The following RAPGEF1 variants were observed in gnomAD, a reference collection of about 807,000 sequenced individuals.
RAPGEF1 encodes the protein Rap guanine nucleotide exchange factor 1.
In RAPGEF1, 33 loss-of-function variants were observed where a neutral mutation model predicts 143.3. The observed-to-expected ratio is 0.23, with a 90% confidence interval of 0.17 to 0.31. RAPGEF1 has a LOEUF of 0.31. RAPGEF1 is among the 10% of genes least tolerant of loss of function. The pLI is 1.00. For synonymous variants in RAPGEF1, 629 were observed against 676.5 expected, an observed-to-expected ratio of 0.93 and a Z score of 1.09; for missense variants, 1,199 against 1,645.4, an observed-to-expected ratio of 0.73 and a Z score of 4.69.
intron 1 of RAPGEF1, among the ~76,000 whole-genome samples, chr9:131,726,513 C>T (rs767502404): frequency 6.6e-5 from 10 of 152,034 alleles, no homozygotes; most frequent in Non-Finnish European, 1.2e-4. Context: ...ATAATCCCAG[C>T]TACTTGGGAG....
chr9:131,667,050 C>T lies in RAPGEF1; in HGVS notation c.62-16101G>A, dbSNP rs1830550811. Among the ~76,000 whole-genome samples the T allele has an allele frequency of 6.6e-6, 1 of 152,064 alleles. No individual in the cohort carries two copies. Among genetic ancestry groups the T allele is most frequent in the South Asian group, 2.1e-4 (1 of 4,834 alleles). On this transcript the variant is annotated intron_variant, in intron 1 of 26. Transcript: ENST00000683357. This position sits in a 1 kb window ranked among gnomAD's most constrained non-coding sequence, Gnocchi z 4.6. ...CTGTCACCCAGGCGGAGTGCAGTGG[C>T]ACGAACTCGGCTCACTGCCATCTCC... is the stretch of plus-strand genomic sequence containing the variant.
intron 1 of RAPGEF1, among the ~76,000 whole-genome samples, chr9:131,680,070 G>A (rs771618679): frequency 9.9e-5 from 15 of 152,192 alleles, no homozygotes; most frequent in Non-Finnish European, 1.8e-4. Flanking sequence ...ATAACTAAAC[G>A]CAACTAAAAC....
At position 131,638,529 on chromosome 9, in the gene RAPGEF1, G is replaced by T; in HGVS notation, c.651+106C>A. On this transcript the variant is annotated intron_variant, in intron 5 of 26. Transcript: ENST00000683357. Reference sequence around the variant, plus strand: ...CGCACCAACACCAGAGACGCAGAAAGACATTCTAATGTTTGAAGGTCAGGA... The same window carrying T: ...CGCACCAACACCAGAGACGCAGAAATACATTCTAATGTTTGAAGGTCAGGA... 3.1e-6 allele frequency: 4 copies of T among 1,300,248 alleles called. No homozygotes were observed. The South Asian group carries it at 5.2e-5, about 17-fold the overall frequency. 80.5% of individuals were successfully genotyped at this position (1,300,248 alleles called of 1,614,324 possible). A position where few individuals can be genotyped will look rare whatever the true frequency, so the allele number is the denominator to read the frequency against.
chr9:131,642,721 A>G (rs1009196882), intron 4 of RAPGEF1, among the ~76,000 whole-genome samples: 3 of 152,122 alleles, frequency 2.0e-5, no homozygotes, highest in Non-Finnish European at 2.9e-5. Context: ...GTAACCCCCA[A>G]GGTCTAAGGT....
intron 5 of RAPGEF1, 136 bp from the exon 6 acceptor site, chr9:131,630,460 G>T (rs927092428): frequency 8.9e-6 from 7 of 785,994 alleles, no homozygotes; most frequent in African/African-American, 5.2e-5. Flanking sequence ...CACCATAAAC[G>T]CAAGTATCAC....
chr9:131,586,078 C>A (rs1952673522), intron 22 of RAPGEF1, among the ~76,000 whole-genome samples: 1 of 152,040 alleles, frequency 6.6e-6, no homozygotes, highest in Admixed American at 6.6e-5. Context: ...ACTCTGGAGG[C>A]TGAGGCAGGA....
chr9:131,634,731 A>AAAG (rs1965879759), intron 5 of RAPGEF1, among the ~76,000 whole-genome samples: 1 of 151,162 alleles, frequency 6.6e-6, no homozygotes, highest in Non-Finnish European at 1.5e-5. Context: ...AAAAAAAAAA[A>AAAG]AAAAAAAAGA....
At chr9:131,697,763 T>A (rs1172678128) in intron 1 of RAPGEF1, among the ~76,000 whole-genome samples, 4 of 152,176 alleles carry the variant, frequency 2.6e-5, no homozygotes, top group African/African-American at 9.7e-5. Flanking sequence ...CTAATTCAAA[T>A]TTTCCCACAT....
intron 1 of RAPGEF1, among the ~76,000 whole-genome samples, chr9:131,666,553 A>C (rs1254464996): frequency 6.6e-6 from 1 of 151,812 alleles, no homozygotes; most frequent in Non-Finnish European, 1.5e-5. Context: ...CGCCTGGCTA[A>C]TTTTTGAATT....
At chr9:131,599,734 T>TCAG (rs1314292702) in intron 15 of RAPGEF1, among the ~76,000 whole-genome samples, 2 of 152,212 alleles carry the variant, frequency 1.3e-5, no homozygotes, top group Non-Finnish European at 2.9e-5. Context: ...GGCTTTCCCC[T>TCAG]GGCATTTTCT....
intron 1 of RAPGEF1, among the ~76,000 whole-genome samples, chr9:131,668,674 A>C (rs945459263): frequency 1.1e-4 from 17 of 152,110 alleles, no homozygotes; most frequent in African/African-American, 3.9e-4. Context: ...TTTCTTTTCC[A>C]TTACTGTTAG....
intron 1 of RAPGEF1, among the ~76,000 whole-genome samples, chr9:131,689,583 G>T (rs921346093): frequency 2.0e-5 from 3 of 151,608 alleles, no homozygotes; most frequent in Admixed American, 6.6e-5. Flanking sequence ...CTGTTGCCCA[G>T]GCTGAAGTGC....
At chr9:131,659,109 G>A (rs115761241) in intron 1 of RAPGEF1, among the ~76,000 whole-genome samples, 5,441 of 152,348 alleles carry the variant, frequency 0.036, 209 homozygotes, top group East Asian at 0.089. Context: ...GAAGGATTTA[G>A]AGATCACTTA....
chr9:131,638,592 C>T (rs753929483), intron 5 of RAPGEF1, 43 bp downstream of exon 5: 3 of 1,607,264 alleles, frequency 1.9e-6, no homozygotes, highest in African/African-American at 1.3e-5. Flanking sequence ...AGGCAGGCTG[C>T]TCTAAGTCCC....
At chr9:131,702,204 A>G (rs577014994) in intron 1 of RAPGEF1, among the ~76,000 whole-genome samples, 32 of 152,380 alleles carry the variant, frequency 2.1e-4, no homozygotes, top group Middle Eastern at 6.8e-3. Context: ...TAAGCATTAC[A>G]TTAACAATGT....
chr9:131,663,409 A>G (rs1038197337), intron 1 of RAPGEF1, among the ~76,000 whole-genome samples: 47 of 151,928 alleles, frequency 3.1e-4, no homozygotes, highest in Non-Finnish European at 5.9e-5. Flanking sequence ...CACTGACATA[A>G]TATTTGCTCC....
chr9:131,677,169 A>G (rs1386301742), intron 1 of RAPGEF1, among the ~76,000 whole-genome samples: 3 of 152,252 alleles, frequency 2.0e-5, no homozygotes, highest in Non-Finnish European at 4.4e-5. Context: ...TTTGTGTTTA[A>G]GTTCTCATCA....
At chr9:131,704,933 A>G (rs1294040157) in intron 1 of RAPGEF1, among the ~76,000 whole-genome samples, 1 of 152,182 alleles carries the variant, frequency 6.6e-6, no homozygotes, top group African/African-American at 2.4e-5. Context: ...TTGATTCTTT[A>G]GGAGGGGCTT....
At chr9:131,612,934 T>A (rs1408974340) in intron 12 of RAPGEF1, among the ~76,000 whole-genome samples, 1 of 152,154 alleles carries the variant, frequency 6.6e-6, no homozygotes, top group Admixed American at 6.5e-5. Flanking sequence ...GACCAATGCA[T>A]CTGTTACATG....
Sources: allele counts gnomAD v4.1 joint callset (sites outside exome capture counted in the v4.1 genomes callset), GRCh38; gene constraint gnomAD v4.1.1; non-coding constraint Gnocchi (gnomAD v3.1); transcripts MANE v1.5; gene names NCBI Gene and HGNC (gene_info 2026-07-23, HGNC 2026-07-21).